The following SMYD3 variants were observed in gnomAD, a reference collection of about 807,000 sequenced individuals.
SMYD3 encodes the protein SET and MYND domain containing 3.
In SMYD3, 36 loss-of-function variants were observed where a neutral mutation model predicts 57.7. The observed-to-expected ratio is 0.62, with a 90% CI of 0.48 to 0.82. The LOEUF is 0.82. SMYD3 is among the 40% of genes least tolerant of loss of function. SMYD3 has a pLI of 0.00. For missense variants in SMYD3, 515 were observed against 538.8 expected (o/e 0.96, Z 0.44); for synonymous variants, 211 against 195.0 (o/e 1.08, Z -0.68).
intron 5 of SMYD3, among the ~76,000 whole-genome samples, chr1:246,215,019 G>T (rs890943896): frequency 1.9e-4 from 29 of 152,036 alleles, no homozygotes; most frequent in African/African-American, 6.3e-4. Flanking sequence ...CTGCTGCTGA[G>T]CTTTCTATTT....
chr1:245,814,482 A>C, intron 10 of SMYD3: 1 of 770,994 alleles, frequency 1.3e-6, no homozygotes, highest in Non-Finnish European at 1.6e-6. Context: ...AATAAAAAGA[A>C]TGCTACTGTT....
In SMYD3 at chr1:246,384,488, C is replaced by T. The variant is rs894857620; in HGVS notation, c.165-29394G>A. Among the ~76,000 whole-genome samples, 14 of 152,104 alleles carry T rather than the reference C, an allele frequency of 9.2e-5. No homozygotes were observed. The South Asian group carries it at 1.5e-3, about 16-fold the overall frequency. On this transcript the variant is annotated intron_variant, in intron 1 of 11. Coordinates refer to ENST00000490107, the MANE Select transcript of SMYD3 (RefSeq NM_001167740.2). ...TCGGCTCACTGCAACCTCCGCCACC[C>T]GGATTCAAGCAATTCTCCTGCCTCA...
At chr1:246,459,918 C>CAAAA (rs35958617) in intron 1 of SMYD3, among the ~76,000 whole-genome samples, 9 of 88,910 alleles carry the variant, frequency 1.0e-4, no homozygotes, top group Non-Finnish European at 1.5e-4. Flanking sequence ...TTCCGCCACC[C>CAAAA]AAAAAAAAAA....
At chr1:246,339,961 T>A (rs2065606221) in intron 2 of SMYD3, among the ~76,000 whole-genome samples, 1 of 152,146 alleles carries the variant, frequency 6.6e-6, no homozygotes. Context: ...AAACTTCTAT[T>A]GTTTATGAAT....
At chr1:246,339,182 G>A (rs2065590728) in intron 2 of SMYD3, among the ~76,000 whole-genome samples, 1 of 152,100 alleles carries the variant, frequency 6.6e-6, no homozygotes, top group African/African-American at 2.4e-5. Flanking sequence ...ATCACTGAAG[G>A]CAACACCACT....
chr1:246,345,001 CAG>C (rs367864965), intron 2 of SMYD3, among the ~76,000 whole-genome samples: 39 of 152,192 alleles, frequency 2.6e-4, no homozygotes, highest in African/African-American at 8.2e-4. Flanking sequence ...AGGAGGGAAA[CAG>C]GGGGAAAGAG....
At chr1:246,210,371 A>G (rs2063066662) in intron 5 of SMYD3, among the ~76,000 whole-genome samples, 1 of 152,180 alleles carries the variant, frequency 6.6e-6, no homozygotes, top group Non-Finnish European at 1.5e-5. Flanking sequence ...GAACATAGGC[A>G]TGACTGGATG....
chr1:246,062,273 T>G (rs148968948), intron 5 of SMYD3, among the ~76,000 whole-genome samples: 1 of 152,170 alleles, frequency 6.6e-6, no homozygotes, highest in Non-Finnish European at 1.5e-5. Flanking sequence ...GGTTAGTCAC[T>G]GATTTGGGGA....
At chr1:246,107,639 T>G (rs2061155114) in intron 5 of SMYD3, among the ~76,000 whole-genome samples, 1 of 152,244 alleles carries the variant, frequency 6.6e-6, no homozygotes, top group African/African-American at 2.4e-5. Flanking sequence ...ATCCCAGCAC[T>G]TGTCTCTTTA....
rs1463604252 is a variant in SMYD3 at position 246,327,351 on chromosome 1, AAAAT to A, written c.395-18_395-15del. The stretch of plus-strand genomic sequence containing the variant: ...GTTTGTTAATATCTTTTTTAAAGAG[AAAAT>A]AAATAGCACAATCTCAAAGTAAACT... On this transcript the variant is annotated splice_polypyrimidine_tract_variant and intron_variant, in intron 4 of 11. Transcript: ENST00000490107. 1.2e-6 allele frequency: 2 copies of A among 1,603,260 alleles called. No individual in the cohort carries two copies. The highest frequency in any genetic ancestry group is 1.7e-6 in the Non-Finnish European group (2 of 1,175,072).
intron 5 of SMYD3, among the ~76,000 whole-genome samples, chr1:246,020,378 A>G (rs2059450982): frequency 6.6e-6 from 1 of 152,212 alleles, no homozygotes; most frequent in Non-Finnish European, 1.5e-5. Context: ...GAGCTATGGG[A>G]AATTACATAA....
chr1:246,255,067 T>C (rs6700636), intron 5 of SMYD3, among the ~76,000 whole-genome samples: 31,551 of 152,062 alleles, frequency 0.21, 3,995 homozygotes, highest in East Asian at 0.58. Context: ...ATCATATCAC[T>C]TGCAAAGAGA....
intron 5 of SMYD3, among the ~76,000 whole-genome samples, chr1:246,155,527 C>G (rs2062008661): frequency 6.6e-6 from 1 of 152,166 alleles, no homozygotes; most frequent in South Asian, 2.1e-4. Context: ...TCAAACCAAA[C>G]AGTCTGATCA....
intron 1 of SMYD3, among the ~76,000 whole-genome samples, chr1:246,469,004 C>A (rs1006350145): frequency 3.9e-5 from 6 of 152,170 alleles, no homozygotes; most frequent in African/African-American, 1.2e-4. Context: ...GTAGCCTTTT[C>A]ACGCTAAACC....
chr1:246,459,528 T>C (rs1475816561), intron 1 of SMYD3, among the ~76,000 whole-genome samples: 1 of 152,182 alleles, frequency 6.6e-6, no homozygotes, highest in Non-Finnish European at 1.5e-5. Context: ...ACGTCCCCCT[T>C]CACTCTCTCC....
At chr1:246,163,958 CA>C (rs2062163041) in intron 5 of SMYD3, among the ~76,000 whole-genome samples, 1 of 152,160 alleles carries the variant, frequency 6.6e-6, no homozygotes, top group African/African-American at 2.4e-5. Flanking sequence ...GATCTGCAGA[CA>C]TCTTAATAAA....
chr1:246,026,134 AG>A (rs1247587888), intron 5 of SMYD3: 1 of 151,490 alleles, frequency 6.6e-6, no homozygotes, highest in African/African-American at 2.5e-5. Flanking sequence ...AGAGTGAGTG[AG>A]ACTTCATCCC....
intron 1 of SMYD3, among the ~76,000 whole-genome samples, chr1:246,410,382 T>C (rs539156514): frequency 6.6e-6 from 1 of 151,144 alleles, no homozygotes; most frequent in Non-Finnish European, 1.5e-5. Context: ...TAGCATGAAG[T>C]GTTGCTGAAT....
intron 5 of SMYD3, among the ~76,000 whole-genome samples, chr1:246,045,806 T>C (rs2059953763): frequency 2.6e-5 from 4 of 152,070 alleles, no homozygotes; most frequent in Admixed American, 2.6e-4. Flanking sequence ...CATCAAAAAG[T>C]GGGCAAAGGA....
Sources: gnomAD v4.1 joint callset for allele counts (sites outside exome capture counted in the v4.1 genomes callset) on GRCh38, gnomAD v4.1.1 for gene constraint, MANE v1.5 for transcripts, NCBI Gene and HGNC (gene_info 2026-07-23, HGNC 2026-07-21) for gene names.